Variants in L3MBTL4 observed in about 807,000 individuals in gnomAD.
L3MBTL4 encodes the protein L3MBTL histone methyl-lysine binding protein 4.
In L3MBTL4, 70 loss-of-function variants were observed where a neutral mutation model predicts 84.5. The observed-to-expected ratio is 0.83, with a 90% CI of 0.68 to 1.01. The LOEUF is 1.01. Ranked by LOEUF, L3MBTL4 falls within the 50% of genes least tolerant of loss-of-function variation. L3MBTL4 has a pLI of 0.00. For missense variants in L3MBTL4, 715 were observed against 754.8 expected (o/e 0.95, Z 0.62); for synonymous variants, 274 against 259.8 (o/e 1.05, Z -0.52).
intron 1 of L3MBTL4, among the ~76,000 whole-genome samples, chr18:6,339,498 T>C (rs1347735253): frequency 6.6e-6 from 1 of 152,126 alleles, no homozygotes; most frequent in Admixed American, 6.6e-5. Context: ...ATCTCGTGCT[T>C]AGAAAGAAAG....
At chr18:6,366,324 A>T (rs1453865154) in intron 1 of L3MBTL4, among the ~76,000 whole-genome samples, 1 of 152,214 alleles carries the variant, frequency 6.6e-6, no homozygotes, top group Non-Finnish European at 1.5e-5. Context: ...AACTGTAGCC[A>T]TACAGAAAAT....
In L3MBTL4 at chr18:6,386,896, C is replaced by A. The variant is rs150493611; in HGVS notation, c.-91+27905G>T. ...CTAAAGGGTTAGGAAGAGAAGAAAG[C>A]ACTTAAGGAACCCTATGGAAGGCAA... On this transcript the variant is annotated intron_variant, in intron 1 of 18. Transcript: ENST00000317931. 7.9e-3 allele frequency among the ~76,000 whole-genome samples: 1,204 copies of A among 152,174 alleles called. 19 individuals are homozygous for A. The highest frequency in any genetic ancestry group is 0.028 in the African/African-American group (1,163 of 41,500).
intron 17 of L3MBTL4, among the ~76,000 whole-genome samples, chr18:5,967,193 C>T (rs1213900096): frequency 6.6e-6 from 1 of 152,254 alleles, no homozygotes; most frequent in Non-Finnish European, 1.5e-5. Context: ...AGGCCCATCT[C>T]CCGGTCCTGG....
intron 16 of L3MBTL4, among the ~76,000 whole-genome samples, chr18:5,981,541 T>G (rs2053216516): frequency 6.6e-6 from 1 of 152,026 alleles, no homozygotes; most frequent in Non-Finnish European, 1.5e-5. Flanking sequence ...AAGGGCTAGG[T>G]GCAGTGGCTC....
chr18:6,051,961 C>T (rs1418946755), intron 16 of L3MBTL4, among the ~76,000 whole-genome samples: 1 of 152,124 alleles, frequency 6.6e-6, no homozygotes, highest in African/African-American at 2.4e-5. Flanking sequence ...GTAGAATTTC[C>T]CATCAGTAGA....
At chr18:6,050,250 C>T (rs1185273352) in intron 16 of L3MBTL4, among the ~76,000 whole-genome samples, 1 of 152,178 alleles carries the variant, frequency 6.6e-6, no homozygotes, top group Non-Finnish European at 1.5e-5. Flanking sequence ...AAAGAACTTG[C>T]GTAATCTGAC....
chr18:5,969,468 C>T lies in L3MBTL4; in HGVS notation c.1539G>A (p.Arg513=). The change falls in exon 17 of 19, where the codon AGG becomes AGA. Residue 513 remains arginine, a synonymous_variant. Coordinates refer to ENST00000317931, the MANE Select transcript of L3MBTL4 (RefSeq NM_001330559.2). ...CTGGAAGCAACTTGCAGTGTTGCTC[C>T]CTGCCGAGGGGAAGGTCCCGAAAAG... The part of the protein sequence containing the change: ...AHPFRDLPLG[R]EQHCKLLPGV... The T allele has an allele frequency of 6.2e-7, 1 of 1,614,050 alleles. No homozygotes were observed. Among genetic ancestry groups the T allele is most frequent in the Non-Finnish European group, 8.5e-7 (1 of 1,180,040 alleles).
chr18:6,144,196 C>CAAAAAAAAAAAAAAAAAAAAAAAAAAAA (rs35746580), intron 13 of L3MBTL4, among the ~76,000 whole-genome samples: 1 of 58,082 alleles, frequency 1.7e-5, no homozygotes, highest in African/African-American at 6.1e-5. Flanking sequence ...ACTCCATCTC[C>CAAAAAAAAAAAAAAAAAAAAAAAAAAAA]AAAAAAAAAA....
intron 4 of L3MBTL4, among the ~76,000 whole-genome samples, chr18:6,300,803 C>A (rs1028327145): frequency 1.3e-5 from 2 of 152,108 alleles, no homozygotes; most frequent in African/African-American, 2.4e-5. Context: ...GTTTTAAAAA[C>A]CCCCTGCTGT....
intron 1 of L3MBTL4, among the ~76,000 whole-genome samples, chr18:6,386,089 G>T (rs946754548): frequency 2.0e-5 from 3 of 152,188 alleles, no homozygotes; most frequent in African/African-American, 2.4e-5. Context: ...TGCAATCAAA[G>T]CAGAATGTAC....
intron 13 of L3MBTL4, among the ~76,000 whole-genome samples, chr18:6,163,976 CCA>C (rs2043499517): frequency 6.6e-6 from 1 of 152,176 alleles, no homozygotes; most frequent in Admixed American, 6.5e-5. Context: ...CGGGTCACTC[CCA>C]CACTAATACT....
chr18:6,005,844 G>C (rs2076047654), intron 16 of L3MBTL4, among the ~76,000 whole-genome samples: 1 of 152,080 alleles, frequency 6.6e-6, no homozygotes, highest in Admixed American at 6.5e-5. Context: ...GTTCCTTTGG[G>C]TATGTACCTG....
At chr18:6,042,999 C>T (rs1443780248) in intron 16 of L3MBTL4, among the ~76,000 whole-genome samples, 1 of 152,176 alleles carries the variant, frequency 6.6e-6, no homozygotes, top group African/African-American at 2.4e-5. Flanking sequence ...CCTTTTCAAG[C>T]TTCCTTATCT....
chr18:6,168,227 A>G (rs1027851770), intron 13 of L3MBTL4, among the ~76,000 whole-genome samples: 41 of 152,304 alleles, frequency 2.7e-4, no homozygotes, highest in Non-Finnish European at 5.0e-4. Flanking sequence ...GGAAGAATCA[A>G]TATCGTGAAA....
intron 14 of L3MBTL4, among the ~76,000 whole-genome samples, chr18:6,124,977 A>G (rs553805556): frequency 5.3e-5 from 8 of 152,308 alleles, no homozygotes; most frequent in African/African-American, 1.4e-4. Context: ...AAAGATAAAT[A>G]TTTAGCATTG....
intron 16 of L3MBTL4, among the ~76,000 whole-genome samples, chr18:6,020,347 T>C (rs149726013): frequency 1.1e-4 from 16 of 151,870 alleles, no homozygotes; most frequent in Non-Finnish European, 1.6e-4. Context: ...GGAAACAGTA[T>C]GTGCAAAGGC....
chr18:6,175,875 G>A (rs1344410499), intron 12 of L3MBTL4, among the ~76,000 whole-genome samples: 1 of 151,800 alleles, frequency 6.6e-6, no homozygotes, highest in Non-Finnish European at 1.5e-5. Flanking sequence ...TGCAAAATAA[G>A]TCAACATAAA....
At chr18:6,252,417 T>C (rs1029386959) in intron 5 of L3MBTL4, among the ~76,000 whole-genome samples, 1 of 148,874 alleles carries the variant, frequency 6.7e-6, no homozygotes, top group Admixed American at 6.6e-5. Flanking sequence ...GTGTTTTCAT[T>C]TTTTATCAAA....
chr18:6,138,280 C>T lies in L3MBTL4; in HGVS notation c.1113G>A (p.Lys371=). The part of the protein sequence containing the change: ...LEVPQRTNDL[K]ILPGQAVCPT... ...GACAGACAGCTTGACCTGGAAGGAT[C>T]TTCAGGTCATTCGTTCCTTCAGGAA... Residue 371 remains lysine (K), a synonymous_variant, in exon 14 of 19, where the codon AAG becomes AAA. Transcript: ENST00000317931. 1 of 1,610,202 alleles carries T rather than the reference C, an allele frequency of 6.2e-7. No homozygotes were observed. Among genetic ancestry groups the T allele is most frequent in the South Asian group, 1.1e-5 (1 of 90,330 alleles).
Sources: allele counts gnomAD v4.1 joint callset (sites outside exome capture counted in the v4.1 genomes callset), GRCh38; gene constraint gnomAD v4.1.1; transcripts MANE v1.5; gene names NCBI Gene and HGNC (gene_info 2026-07-23, HGNC 2026-07-21).